SGCZ: variants seen among roughly 807,000 people sequenced by gnomAD.
The protein encoded by SGCZ is sarcoglycan zeta.
In SGCZ, 40 loss-of-function variants were observed where a neutral mutation model predicts 41.3. The observed-to-expected ratio is 0.97, with a 90% CI of 0.75 to 1.26. The LOEUF (loss-of-function observed/expected upper bound fraction) is 1.26, where lower values mean the gene tolerates loss of function less well. Ranked by LOEUF, SGCZ falls within the 50% of genes most tolerant of loss-of-function variation. SGCZ has a pLI of 0.00. For synonymous variants in SGCZ, 206 were observed against 137.5 expected (o/e 1.50, Z -3.49); for missense variants, 552 against 369.8 (o/e 1.49, Z -4.04).
intron 2 of SGCZ, among the ~76,000 whole-genome samples, chr8:14,360,830 C>G (rs1417957978): frequency 2.0e-5 from 3 of 152,046 alleles, no homozygotes; most frequent in Non-Finnish European, 4.4e-5. Flanking sequence ...AGTACAACTG[C>G]ATGTTTAGTA....
intron 2 of SGCZ, among the ~76,000 whole-genome samples, chr8:14,545,063 C>T (rs1004238830): frequency 2.0e-5 from 3 of 152,056 alleles, no homozygotes; most frequent in Admixed American, 2.0e-4. Context: ...CCCTAGCGGC[C>T]CAGCTGTAAA....
chr8:15,151,094 C>G lies in SGCZ; in HGVS notation c.39+86491G>C, dbSNP rs268380. ...CACATACACACTCACGCACACACTT[C>G]GCTGGAGCGGCCTCGGAGGATGGAG... On this transcript the variant is annotated intron_variant, in intron 1 of 7. Coordinates refer to ENST00000382080, the MANE Select transcript of SGCZ (RefSeq NM_139167.4). 3.2e-4 allele frequency among the ~76,000 whole-genome samples: 49 copies of G among 152,332 alleles called. 1 individual carries two copies. In the East Asian group the frequency reaches 9.5e-3, roughly 29 times the overall value.
intron 3 of SGCZ, among the ~76,000 whole-genome samples, chr8:14,282,209 A>G (rs1212615980): frequency 6.6e-6 from 1 of 152,064 alleles, no homozygotes. Flanking sequence ...TAATAGACTA[A>G]CCCTTAAGAA....
intron 1 of SGCZ, among the ~76,000 whole-genome samples, chr8:15,127,474 A>T (rs758541723): frequency 5.9e-5 from 9 of 152,178 alleles, no homozygotes; most frequent in East Asian, 1.9e-4. Context: ...GTATTGCAAC[A>T]TTTAAATTCA....
At chr8:14,885,990 T>G (rs1426404447) in intron 1 of SGCZ, among the ~76,000 whole-genome samples, 2 of 24,968 alleles carry the variant, frequency 8.0e-5, no homozygotes, top group Non-Finnish European at 1.9e-4. Flanking sequence ...TTATGTTATA[T>G]ATATATATAT....
At chr8:14,924,020 A>T (rs1209185329) in intron 1 of SGCZ, among the ~76,000 whole-genome samples, 2 of 152,252 alleles carry the variant, frequency 1.3e-5, no homozygotes, top group Admixed American at 6.5e-5. Context: ...ACAGAGACAG[A>T]GGGTAAACCT....
intron 1 of SGCZ, among the ~76,000 whole-genome samples, chr8:14,668,895 A>T (rs566310070): frequency 6.6e-6 from 1 of 150,760 alleles, no homozygotes; most frequent in African/African-American, 2.5e-5. Context: ...GCTAATTAAC[A>T]AATCTACCAC....
At chr8:14,356,421 A>T (rs983239133) in intron 2 of SGCZ, among the ~76,000 whole-genome samples, 1 of 152,180 alleles carries the variant, frequency 6.6e-6, no homozygotes, top group Non-Finnish European at 1.5e-5. Context: ...CTACAGAGAA[A>T]AATCATGATG....
chr8:15,131,296 G>C (rs910918616), intron 1 of SGCZ, among the ~76,000 whole-genome samples: 2 of 152,120 alleles, frequency 1.3e-5, no homozygotes, highest in African/African-American at 4.8e-5. Context: ...TAAGTCTCAT[G>C]AGATCTGATG....
At chr8:14,122,193 C>T (rs904073779) in intron 5 of SGCZ, among the ~76,000 whole-genome samples, 2 of 152,302 alleles carry the variant, frequency 1.3e-5, no homozygotes, top group Non-Finnish European at 2.9e-5. Context: ...AGGAGAATGG[C>T]GTGAACCCGG....
At chr8:14,731,206 T>TA (rs1460473329) in intron 1 of SGCZ, among the ~76,000 whole-genome samples, 1 of 151,668 alleles carries the variant, frequency 6.6e-6, no homozygotes, top group East Asian at 1.9e-4. Flanking sequence ...TATGCAGCCA[T>TA]AAAAAAGGAT....
At chr8:14,499,265 T>C (rs1431641036) in intron 2 of SGCZ, among the ~76,000 whole-genome samples, 4 of 152,060 alleles carry the variant, frequency 2.6e-5, no homozygotes, top group African/African-American at 9.6e-5. Flanking sequence ...GTAAATTTCT[T>C]TTCAAAACTA....
At chr8:14,181,023 G>A (rs1439425558) in intron 4 of SGCZ, among the ~76,000 whole-genome samples, 1 of 152,118 alleles carries the variant, frequency 6.6e-6, no homozygotes, top group African/African-American at 2.4e-5. Flanking sequence ...CCGTTTGCAA[G>A]GCCTGAATTT....
chr8:14,610,826 G>T (rs977026473), intron 1 of SGCZ, among the ~76,000 whole-genome samples: 1 of 152,162 alleles, frequency 6.6e-6, no homozygotes, highest in Non-Finnish European at 1.5e-5. Flanking sequence ...TTCATCTTCA[G>T]AATTGAATTG....
intron 1 of SGCZ, among the ~76,000 whole-genome samples, chr8:15,147,830 A>G (rs1361724814): frequency 3.9e-5 from 6 of 152,054 alleles, no homozygotes; most frequent in Non-Finnish European, 4.4e-5. Context: ...ATGTCTATTA[A>G]TTTTTTCCAT....
intron 1 of SGCZ, among the ~76,000 whole-genome samples, chr8:14,567,698 G>A (rs1804417234): frequency 6.6e-6 from 1 of 152,106 alleles, no homozygotes; most frequent in African/African-American, 2.4e-5. Context: ...CTCACTCTTT[G>A]GGTGCACACT....
intron 1 of SGCZ, among the ~76,000 whole-genome samples, chr8:14,750,006 C>T (rs988359864): frequency 4.6e-5 from 7 of 152,038 alleles, no homozygotes; most frequent in African/African-American, 9.6e-5. Context: ...TCAAACTCTC[C>T]GTTAGAAGAT....
chr8:14,473,329 T>C (rs1801264470), intron 2 of SGCZ, among the ~76,000 whole-genome samples: 1 of 152,158 alleles, frequency 6.6e-6, no homozygotes, highest in Non-Finnish European at 1.5e-5. Flanking sequence ...AAAAGCTTTC[T>C]CCTCCATATG....
Position 15,198,015 on chromosome 8 carries a change from T to C in SGCZ, c.39+39570A>G, listed in dbSNP as rs73529516. 3.8e-3 allele frequency among the ~76,000 whole-genome samples: 566 copies of C among 148,690 alleles called. 1 individual carries two copies. The highest frequency in any genetic ancestry group is 0.013 in the African/African-American group (515 of 40,920). ...ATATTTACATAATTACATATGTAAA[T>C]ATATGTATTATGTTACATTATATAT... On this transcript the variant is annotated intron_variant, in intron 1 of 7. Coordinates refer to ENST00000382080, the MANE Select transcript of SGCZ (RefSeq NM_139167.4).
Sources: allele counts gnomAD v4.1 joint callset (sites outside exome capture counted in the v4.1 genomes callset), GRCh38; gene constraint gnomAD v4.1.1; transcripts MANE v1.5; gene names NCBI Gene and HGNC (gene_info 2026-07-23, HGNC 2026-07-21).